HIBCH: variants seen among roughly 807,000 people sequenced by gnomAD.
HIBCH encodes the protein 3-hydroxyisobutyryl-CoA hydrolase, mitochondrial.
In HIBCH, 50 loss-of-function variants were observed where a neutral mutation model predicts 58.2. That is an observed-to-expected ratio of 0.86 (90% CI 0.68 to 1.09). The LOEUF (loss-of-function observed/expected upper bound fraction) is 1.09, where lower values mean the gene tolerates loss of function less well. Ranked by LOEUF, HIBCH falls within the 50% of genes least tolerant of loss-of-function variation. The pLI, the probability that HIBCH is intolerant of heterozygous loss-of-function variation, is 0.00. For synonymous variants in HIBCH, 151 were observed against 146.9 expected (o/e 1.03, Z -0.20); for missense variants, 450 against 449.7 (o/e 1.00, Z -0.01).
At chr2:190,223,953 G>C (rs1685808568) in intron 11 of HIBCH, among the ~76,000 whole-genome samples, 1 of 152,236 alleles carries the variant, frequency 6.6e-6, no homozygotes, top group East Asian at 1.9e-4. Context: ...AAGCAGGGCG[G>C]GGGATCGCCT....
At chr2:190,308,214 A>T (rs1221240458) in intron 2 of HIBCH, among the ~76,000 whole-genome samples, 1 of 152,156 alleles carries the variant, frequency 6.6e-6, no homozygotes, top group Non-Finnish European at 1.5e-5. Flanking sequence ...TATGATCTGG[A>T]TTCTGTCATG....
chr2:190,189,969 G>A (rs188463510), exon 2 of HIBCH: 1 of 152,302 alleles, frequency 6.6e-6, no homozygotes, highest in Non-Finnish European at 1.5e-5. Flanking sequence ...CAGGGAGCTG[G>A]TCCGCTCTGG....
chr2:190,236,846 C>A lies in HIBCH; in HGVS notation c.891+8041G>T, dbSNP rs1235208275. On this transcript the variant is annotated intron_variant, in intron 11 of 13. Transcript: ENST00000359678. This position sits in a 1 kb window ranked among gnomAD's most constrained non-coding sequence, Gnocchi z 4.1. ...ACTACTATTTTATGTTTCCTAAATG[C>A]CAATGGTAGCATTTAAGGGTCGCTA... is the stretch of plus-strand genomic sequence containing the variant. Among the ~76,000 whole-genome samples, 1 of 152,084 alleles carries A rather than the reference C, an allele frequency of 6.6e-6. No individual in the cohort carries two copies. The highest frequency in any genetic ancestry group is 1.5e-5 in the Non-Finnish European group (1 of 67,986).
chr2:190,283,994 C>G (rs1171480652), intron 6 of HIBCH, among the ~76,000 whole-genome samples: 2 of 152,228 alleles, frequency 1.3e-5, no homozygotes, highest in Non-Finnish European at 2.9e-5. Flanking sequence ...CTTGTTCAAA[C>G]AGACTGCTAG....
intron 11 of HIBCH, chr2:190,213,790 A>C (rs992564334): frequency 3.3e-5 from 5 of 152,464 alleles, no homozygotes; most frequent in Non-Finnish European, 5.9e-5. Flanking sequence ...AACACTCAAC[A>C]GGTGACGTCC....
chr2:190,277,669 AAGAGT>A (rs1246582293), intron 6 of HIBCH, among the ~76,000 whole-genome samples: 1 of 152,240 alleles, frequency 6.6e-6, no homozygotes, highest in Non-Finnish European at 1.5e-5. Context: ...AACCTAATTT[AAGAGT>A]ATAGTTTTGT....
At chr2:190,300,287 T>C (rs1467430994) in intron 2 of HIBCH, among the ~76,000 whole-genome samples, 2 of 152,222 alleles carry the variant, frequency 1.3e-5, no homozygotes, top group East Asian at 3.8e-4. Context: ...ATCAACAGTG[T>C]ATACACGTTC....
At position 190,296,951 on chromosome 2, in the gene HIBCH, T is replaced by C; in HGVS notation, c.81A>G (p.Arg27=). The C allele has an allele frequency of 6.2e-7, 1 of 1,614,100 alleles. No individual in the cohort carries two copies. Among genetic ancestry groups the C allele is most frequent in the Non-Finnish European group, 8.5e-7 (1 of 1,179,986 alleles). The change falls in exon 3 of 14, where the codon AGA becomes AGG. Residue 27 remains arginine, a splice_region_variant and synonymous_variant. Transcript: ENST00000359678. The stretch of plus-strand genomic sequence containing the variant: ...CTGCTGCATCTGTGTGCTTGGACAT[T>C]CTCTGTATAAACAAAGAATAACTTT... ...KRTNTILHHL[R]MSKHTDAAEE... is the part of the protein sequence containing the mutation.
intron 1 of HIBCH, among the ~76,000 whole-genome samples, chr2:190,317,329 T>C (rs1688729300): frequency 6.6e-6 from 1 of 152,256 alleles, no homozygotes; most frequent in Admixed American, 6.5e-5. Context: ...TCTAATTATG[T>C]GTTTCCTATC....
At chr2:190,303,848 C>T (rs185148868) in intron 2 of HIBCH, among the ~76,000 whole-genome samples, 19 of 150,508 alleles carry the variant, frequency 1.3e-4, no homozygotes, top group African/African-American at 4.8e-4. Context: ...CCATGTACTC[C>T]CTGATGCATT....
chr2:190,191,839 C>G (rs1364939187), intron 1 of HIBCH, among the ~76,000 whole-genome samples: 1 of 151,966 alleles, frequency 6.6e-6, no homozygotes, highest in Non-Finnish European at 1.5e-5. Context: ...AGTTTTGATA[C>G]TTATATATTC....
rs977189063 is a variant in HIBCH at position 190,197,905 on chromosome 2, T to A, written c.*17+7195A>T. Among the ~76,000 whole-genome samples, 12 of 152,224 alleles carry A rather than the reference T, an allele frequency of 7.9e-5. No homozygotes were observed. The highest frequency in any genetic ancestry group is 2.7e-4 in the African/African-American group (11 of 41,468). On this transcript the variant is annotated intron_variant, in intron 1 of 1. Transcript: ENST00000399855. The surrounding 1 kb of genome is among the most constrained non-coding windows in gnomAD (Gnocchi z 4.0). Reference sequence around the variant, plus strand: ...CAGCCTTTTATTTATCTGACACTCATTGAGTTCTCCAAGTAATTTTTTTCA... The same window carrying A: ...CAGCCTTTTATTTATCTGACACTCAATGAGTTCTCCAAGTAATTTTTTTCA...
At chr2:190,240,373 A>G (rs897954430) in intron 11 of HIBCH, among the ~76,000 whole-genome samples, 2 of 151,798 alleles carry the variant, frequency 1.3e-5, no homozygotes, top group Admixed American at 6.6e-5. Flanking sequence ...TATTGTGTCT[A>G]TTTGAGTCTT....
downstream of HIBCH, among the ~76,000 whole-genome samples, chr2:190,198,923 G>T (rs1236666133): frequency 6.6e-6 from 1 of 152,206 alleles, no homozygotes; most frequent in East Asian, 1.9e-4. Context: ...TCAAACAAGG[G>T]TAGGAATGAG....
At chr2:190,250,427 C>T in intron 8 of HIBCH, 1 of 465,286 alleles carries the variant, frequency 2.1e-6, no homozygotes, top group South Asian at 1.6e-5. Context: ...TTTGTACCCA[C>T]TTCTAATCGC....
intron 11 of HIBCH, among the ~76,000 whole-genome samples, chr2:190,244,685 C>T (rs1190594914): frequency 6.6e-6 from 1 of 152,152 alleles, no homozygotes; most frequent in Non-Finnish European, 1.5e-5. Context: ...TTGCCCTCAA[C>T]GACCAGCAGG....
At chr2:190,241,052 T>C (rs1686439447) in intron 11 of HIBCH, among the ~76,000 whole-genome samples, 1 of 152,208 alleles carries the variant, frequency 6.6e-6, no homozygotes, top group Non-Finnish European at 1.5e-5. Flanking sequence ...GTCTCATTAA[T>C]CTAACATTGA....
intron 6 of HIBCH, among the ~76,000 whole-genome samples, chr2:190,266,954 ACCAC>A (rs1687260349): frequency 4.0e-5 from 6 of 150,998 alleles, no homozygotes; most frequent in African/African-American, 1.5e-4. Flanking sequence ...ATGGGGTTTC[ACCAC>A]GTTGGCTAGG....
rs947487823 is a variant in HIBCH, at chr2:190,303,382, T to C, written c.79-6429A>G. 2.1e-5 allele frequency among the ~76,000 whole-genome samples: 3 copies of C among 141,660 alleles called. No homozygotes were observed. The South Asian group carries it at 6.5e-4, about 31-fold the overall frequency. The allele number at this position is 141,660 out of a possible 152,430, so 92.9% of individuals were successfully genotyped here. A position where few individuals can be genotyped will look rare whatever the true frequency, so the allele number is the denominator to read the frequency against. Reference sequence around the variant, plus strand: ...GAAAAGGCTGATTCCAGCACTAAGATAGGGAAAACACGAAATGAGTCCAGA... The same window carrying C: ...GAAAAGGCTGATTCCAGCACTAAGACAGGGAAAACACGAAATGAGTCCAGA... On this transcript the variant is annotated intron_variant, in intron 2 of 13. Coordinates refer to ENST00000359678, the MANE Select transcript of HIBCH (RefSeq NM_014362.4).
Sources: allele counts gnomAD v4.1 joint callset (sites outside exome capture counted in the v4.1 genomes callset), GRCh38; gene constraint gnomAD v4.1.1; non-coding constraint Gnocchi (gnomAD v3.1); transcripts MANE v1.5; gene names NCBI Gene and HGNC (gene_info 2026-07-23, HGNC 2026-07-21).